ANO7: variants seen among roughly 807,000 people sequenced by gnomAD.
ANO7 encodes the protein anoctamin-7.
ANO7 carries 114 observed loss-of-function variants against 115.8 expected under a neutral mutation model. That is an observed-to-expected ratio of 0.98 (90% confidence interval 0.85 to 1.15). The LOEUF (loss-of-function observed/expected upper bound fraction) is 1.15. Ranked by LOEUF, ANO7 falls within the 50% of genes most tolerant of loss-of-function variation. The pLI is 0.00. For synonymous variants in ANO7, 550 were observed against 498.2 expected (o/e 1.10, Z -1.38); for missense variants, 1,302 against 1,201.2 (o/e 1.08, Z -1.24).
At chr2:241,218,936 G>A (rs185559152) in intron 21 of ANO7, among the ~76,000 whole-genome samples, 166 of 152,320 alleles carry the variant, frequency 1.1e-3, no homozygotes, top group Middle Eastern at 6.8e-3. Flanking sequence ...TTGGTCAGGG[G>A]TTAATATTAT....
intron 3 of ANO7, among the ~76,000 whole-genome samples, chr2:241,194,302 T>C (rs2068272157): frequency 6.7e-6 from 1 of 148,160 alleles, no homozygotes; most frequent in African/African-American, 2.5e-5. Context: ...AGAAATTATT[T>C]ATTTCCTTTT....
the ANO7 span, among the ~76,000 whole-genome samples, chr2:241,232,100 C>T: frequency 6.6e-6 from 1 of 152,152 alleles, no homozygotes; most frequent in Admixed American, 6.5e-5. Context: ...AGCAGCCCCA[C>T]CCACCGTGGC....
intron 5 of ANO7, 106 bp from the exon 6 acceptor site, chr2:241,199,983 C>T (rs2068430940): frequency 4.5e-6 from 6 of 1,346,744 alleles, no homozygotes; most frequent in Non-Finnish European, 6.1e-6. Flanking sequence ...TCTGCTGGAG[C>T]CCCTTCGCCC....
At chr2:241,196,090 G>A in intron 4 of ANO7, 2 of 1,405,774 alleles carry the variant, frequency 1.4e-6, no homozygotes, top group Admixed American at 3.0e-5. Flanking sequence ...GGAGCCCTCA[G>A]GGTCACCTGA....
Position 241,207,608 on chromosome 2 carries a change from A to G in ANO7, c.1015A>G (p.Met339Val). The change falls in exon 11 of 25, where the codon ATG becomes GTG. Residue 339 changes from methionine to valine, a missense_variant. Coordinates refer to ENST00000674324, the MANE Select transcript of ANO7 (RefSeq NM_001370694.2). Reference sequence around the variant, plus strand: ...GTGTGGCAGCAAGGACAGCTTCGAGATGTGCCCACTTTGCCTCGACTGCCC... The same window carrying G: ...GTGTGGCAGCAAGGACAGCTTCGAGGTGTGCCCACTTTGCCTCGACTGCCC... The part of the protein sequence containing the change: ...ELCGSKDSFE[M>V]CPLCLDCPFW... 1 of 1,613,736 alleles carries G rather than the reference A, an allele frequency of 6.2e-7. No individual in the cohort carries two copies. Among genetic ancestry groups the G allele is most frequent in the Non-Finnish European group, 8.5e-7 (1 of 1,179,950 alleles).
At chr2:241,229,832 CCTT>C (rs1322969975), downstream of ANO7, 3 of 1,419,174 alleles carry the variant, frequency 2.1e-6, no homozygotes, top group South Asian at 1.2e-5. Flanking sequence ...CCGCATCTGA[CCTT>C]CTCACTGCTG....
At chr2:241,240,306 A>T in the ANO7 span, 1 of 644,224 alleles carries the variant, frequency 1.6e-6, no homozygotes, top group South Asian at 1.8e-5. The surrounding 1 kb of genome is among the most constrained non-coding windows in gnomAD (Gnocchi z 5.5). Flanking sequence ...ATGAATACCC[A>T]GACTGCACAC....
chr2:241,235,062 C>G, the ANO7 span: 2 of 1,584,616 alleles, frequency 1.3e-6, no homozygotes, highest in Non-Finnish European at 1.7e-6. Flanking sequence ...TAGATTCTGA[C>G]ATGTGCCCAA....
At chr2:241,221,201 A>T (rs1251209723) in intron 21 of ANO7, among the ~76,000 whole-genome samples, 1 of 148,752 alleles carries the variant, frequency 6.7e-6, no homozygotes, top group Non-Finnish European at 1.5e-5. Context: ...TCAGCCTCAC[A>T]AGTAGCTGGG....
intron 4 of ANO7, among the ~76,000 whole-genome samples, chr2:241,198,584 G>A (rs2068396045): frequency 6.6e-6 from 1 of 152,192 alleles, no homozygotes; most frequent in Non-Finnish European, 1.5e-5. Context: ...GAACATCACG[G>A]CCAGCTGGGG....
downstream of ANO7, chr2:241,230,670 G>C: frequency 8.8e-7 from 1 of 1,134,634 alleles, no homozygotes; most frequent in Non-Finnish European, 1.3e-6. The surrounding 1 kb of genome is among the most constrained non-coding windows in gnomAD (Gnocchi z 5.0). Context: ...TCATCTTGAG[G>C]GGAAGGCCAT....
At chr2:241,195,903 G>T (rs1256450414) in intron 4 of ANO7, 58 bp downstream of exon 4, 3 of 1,613,966 alleles carry the variant, frequency 1.9e-6, no homozygotes, top group South Asian at 1.1e-5. Flanking sequence ...AGTGACCCAT[G>T]ACCTTGCCGC....
At chr2:241,192,114 A>T (rs1007092324) in intron 3 of ANO7, among the ~76,000 whole-genome samples, 3 of 152,214 alleles carry the variant, frequency 2.0e-5, no homozygotes, top group African/African-American at 7.2e-5. Context: ...AGGCGGGTGG[A>T]TCACCTGAGG....
chr2:241,235,944 G>A, the ANO7 span, among the ~76,000 whole-genome samples: 15 of 151,782 alleles, frequency 9.9e-5, no homozygotes, highest in East Asian at 9.7e-4. Context: ...AGGGACTCTC[G>A]GACCACTACT....
Position 241,188,812 on chromosome 2 carries a change from C to A in ANO7, c.-8+46C>A. ...TGTGGGCCACAGGGAGAAGGTGGAG[C>A]GTTGGACTCTAGGGAGGCAGGGCGG... On this transcript the variant is annotated intron_variant, in intron 1 of 24. Transcript: ENST00000674324. This position sits in a 1 kb window ranked among gnomAD's most constrained non-coding sequence, Gnocchi z 4.3. The A allele has an allele frequency of 1.9e-6, 3 of 1,591,542 alleles. No homozygotes were observed. Among genetic ancestry groups the A allele is most frequent in the Non-Finnish European group, 2.6e-6 (3 of 1,166,516 alleles).
chr2:241,192,354 G>A (rs1017118348), intron 3 of ANO7, among the ~76,000 whole-genome samples: 6 of 152,148 alleles, frequency 3.9e-5, no homozygotes, highest in Admixed American at 2.0e-4. Flanking sequence ...CACGGCCTGC[G>A]GGGCTTAGAT....
chr2:241,213,007 A>C (rs1574786609), intron 17 of ANO7: 5 of 218,254 alleles, frequency 2.3e-5, no homozygotes, highest in South Asian at 6.7e-5. Context: ...ACCCTACCCC[A>C]CCCCAGCTGT....
At chr2:241,228,830 C>T (rs2069380685), downstream of ANO7, 1 of 152,792 alleles carries the variant, frequency 6.5e-6, no homozygotes, top group Admixed American at 6.5e-5. Flanking sequence ...CTCCCCCAAC[C>T]TGTGCGCATC....
chr2:241,194,519 C>T (rs777965433), intron 3 of ANO7, among the ~76,000 whole-genome samples: 1 of 151,794 alleles, frequency 6.6e-6, no homozygotes. Context: ...GGGGTTTCAC[C>T]GTGTTAGCCA....
Sources: allele counts gnomAD v4.1 joint callset (sites outside exome capture counted in the v4.1 genomes callset), GRCh38; gene constraint gnomAD v4.1.1; non-coding constraint Gnocchi (gnomAD v3.1); transcripts MANE v1.5; gene names NCBI Gene and HGNC (gene_info 2026-07-23, HGNC 2026-07-21).